The following SLC25A21 variants were observed in gnomAD, a reference collection of about 807,000 sequenced individuals.
SLC25A21 encodes mitochondrial 2-oxodicarboxylate carrier.
A neutral mutation model predicts 43.8 loss-of-function variants in SLC25A21; 47 were observed. That is an observed-to-expected ratio of 1.07 (90% CI 0.85 to 1.37). The LOEUF (loss-of-function observed/expected upper bound fraction) is 1.37, where lower values mean the gene tolerates loss of function less well. SLC25A21 is among the 40% of genes most tolerant of loss of function. The pLI, the probability that SLC25A21 is intolerant of heterozygous loss-of-function variation, is 0.00. For missense variants in SLC25A21, 352 were observed against 350.2 expected (o/e 1.00, Z -0.04); for synonymous variants, 131 against 121.3 (o/e 1.08, Z -0.52).
At chr14:37,118,640 T>C (rs1160489855) in intron 1 of SLC25A21, among the ~76,000 whole-genome samples, 1 of 152,186 alleles carries the variant, frequency 6.6e-6, no homozygotes, top group Admixed American at 6.5e-5. Flanking sequence ...TATTTAAGGA[T>C]TGAGACAACT....
chr14:36,976,543 A>AAC (rs1555339872), intron 1 of SLC25A21, among the ~76,000 whole-genome samples: 2 of 152,194 alleles, frequency 1.3e-5, no homozygotes, highest in African/African-American at 4.8e-5. Context: ...GTAGATAAAA[A>AAC]AAAACAAAAC....
At chr14:36,937,172 G>C (rs1322543698) in intron 1 of SLC25A21, among the ~76,000 whole-genome samples, 1 of 152,170 alleles carries the variant, frequency 6.6e-6, no homozygotes, top group Non-Finnish European at 1.5e-5. Flanking sequence ...TAACTAAGCC[G>C]GGCGATGCTG....
chr14:36,679,465 T>C lies in SLC25A21; in HGVS notation c.*1193A>G, dbSNP rs1251830708. Reference sequence around the variant, plus strand: ...CTTAGGACAGGTGTCATATGGACTTTCAGTTATTCTTGTTGACTTTACTGA... The same window carrying C: ...CTTAGGACAGGTGTCATATGGACTTCCAGTTATTCTTGTTGACTTTACTGA... On this transcript the variant is annotated 3_prime_UTR_variant, in exon 10 of 10. Transcript: ENST00000331299. 3.0e-5 allele frequency: 30 copies of C among 985,322 alleles called. No homozygotes were observed. The highest frequency in any genetic ancestry group is 3.5e-5 in the Non-Finnish European group (29 of 829,924). The allele number at this position is 985,322 out of a possible 1,614,324, so 61.0% of individuals were successfully genotyped here. A position where few individuals can be genotyped will look rare whatever the true frequency, so the allele number is the denominator to read the frequency against.
At chr14:36,891,775 C>T (rs931650275) in intron 1 of SLC25A21, among the ~76,000 whole-genome samples, 3 of 152,078 alleles carry the variant, frequency 2.0e-5, no homozygotes, top group South Asian at 2.1e-4. Flanking sequence ...CTTCAATACC[C>T]GATTTCCCCT....
intron 1 of SLC25A21, among the ~76,000 whole-genome samples, chr14:37,151,855 T>G (rs923726605): frequency 6.6e-6 from 1 of 152,074 alleles, no homozygotes; most frequent in Non-Finnish European, 1.5e-5. Context: ...GCCAACATAG[T>G]GAAACCCTGT....
At position 36,679,360 on chromosome 14, in the gene SLC25A21, T is replaced by C; in HGVS notation, c.*1298A>G. On this transcript the variant is annotated 3_prime_UTR_variant, in exon 10 of 10. Coordinates refer to ENST00000331299, the MANE Select transcript of SLC25A21 (RefSeq NM_030631.4). ...GCTCTAAATTAATAAAAAGTAATAA[T>C]TACCATGTTATCTTTTACTTTTTAT... is the stretch of plus-strand genomic sequence containing the variant. The C allele has an allele frequency of 1.0e-6, 1 of 974,128 alleles. No individual in the cohort carries two copies. The highest frequency in any genetic ancestry group is 1.2e-6 in the Non-Finnish European group (1 of 819,788). 60.3% of individuals were successfully genotyped at this position (974,128 alleles called of 1,614,324 possible).
intron 1 of SLC25A21, chr14:37,098,586 C>T (rs1594792036): frequency 6.6e-6 from 1 of 152,266 alleles, no homozygotes; most frequent in East Asian, 1.9e-4. Context: ...AGGATACTAT[C>T]TGCTTTAACA....
intron 3 of SLC25A21, among the ~76,000 whole-genome samples, chr14:36,734,816 T>C (rs1403121650): frequency 6.6e-6 from 1 of 152,184 alleles, no homozygotes; most frequent in African/African-American, 2.4e-5. Flanking sequence ...TGACCATTAG[T>C]TGTACCTTAA....
Position 37,172,403 on chromosome 14 carries a change from C to T in SLC25A21, c.-53G>A. 1 of 1,518,438 alleles carries T rather than the reference C, an allele frequency of 6.6e-7. No individual in the cohort carries two copies. Among genetic ancestry groups the T allele is most frequent in the Non-Finnish European group, 9.0e-7 (1 of 1,115,088 alleles). The allele number at this position is 1,518,438 out of a possible 1,614,324, so 94.1% of individuals were successfully genotyped here. On this transcript the variant is annotated 5_prime_UTR_variant, in exon 1 of 10. Coordinates refer to ENST00000331299, the MANE Select transcript of SLC25A21 (RefSeq NM_030631.4). ...GGGCTGAGATGCGTCAACGAGCTCG[C>T]AGCCTGCACAGCCTACTGATCCAGA...
At chr14:37,081,185 G>A (rs1014756448) in intron 1 of SLC25A21, among the ~76,000 whole-genome samples, 5 of 152,174 alleles carry the variant, frequency 3.3e-5, no homozygotes, top group African/African-American at 1.2e-4. Flanking sequence ...CGTGAGAAAA[G>A]CCGTAGGTTA....
At chr14:36,859,270 A>G (rs985431562) in intron 2 of SLC25A21, among the ~76,000 whole-genome samples, 25 of 152,220 alleles carry the variant, frequency 1.6e-4, no homozygotes, top group Admixed American at 3.3e-4. Flanking sequence ...CTAAGCTAAC[A>G]AAAAGAACTA....
chr14:36,699,703 G>A (rs1293292975), intron 7 of SLC25A21, among the ~76,000 whole-genome samples: 1 of 152,182 alleles, frequency 6.6e-6, no homozygotes, highest in Non-Finnish European at 1.5e-5. Context: ...ATCGATCTCA[G>A]ACTGCTGCAC....
At chr14:36,794,004 G>T (rs1218319100) in intron 3 of SLC25A21, among the ~76,000 whole-genome samples, 1 of 149,464 alleles carries the variant, frequency 6.7e-6, no homozygotes, top group Non-Finnish European at 1.5e-5. Context: ...GCTATGAAAA[G>T]AATACAGACT....
intron 1 of SLC25A21, among the ~76,000 whole-genome samples, chr14:37,170,075 C>T (rs934487484): frequency 5.3e-5 from 8 of 151,782 alleles, no homozygotes; most frequent in African/African-American, 1.9e-4. Flanking sequence ...CTCGCTCTGT[C>T]GCCAGGTTGG....
chr14:36,811,824 T>C (rs991604945), intron 3 of SLC25A21, among the ~76,000 whole-genome samples: 1 of 152,320 alleles, frequency 6.6e-6, no homozygotes, highest in Non-Finnish European at 1.5e-5. Flanking sequence ...GGATTAAAAA[T>C]TGTAATGTAA....
chr14:37,092,090 G>A (rs1962598067), intron 1 of SLC25A21, among the ~76,000 whole-genome samples: 1 of 152,082 alleles, frequency 6.6e-6, no homozygotes. Context: ...TCGTGCCATT[G>A]TACTCCAGCC....
At chr14:36,907,773 T>C (rs1891575878) in intron 1 of SLC25A21, among the ~76,000 whole-genome samples, 1 of 152,132 alleles carries the variant, frequency 6.6e-6, no homozygotes, top group Non-Finnish European at 1.5e-5. Context: ...GATCACTGTG[T>C]GAAGGGTAAG....
At chr14:36,842,857 A>G (rs1008857124) in intron 2 of SLC25A21, among the ~76,000 whole-genome samples, 3 of 152,130 alleles carry the variant, frequency 2.0e-5, no homozygotes, top group Non-Finnish European at 4.4e-5. Context: ...AGCGGTCCCA[A>G]AACTTTGTGG....
intron 7 of SLC25A21, among the ~76,000 whole-genome samples, chr14:36,690,208 T>C (rs192109334): frequency 1.2e-4 from 19 of 152,200 alleles, no homozygotes; most frequent in Non-Finnish European, 2.9e-5. Flanking sequence ...CAAAAGTAAA[T>C]AGCAACAAAA....
Sources: gnomAD v4.1 joint callset for allele counts (sites outside exome capture counted in the v4.1 genomes callset) on GRCh38, gnomAD v4.1.1 for gene constraint, MANE v1.5 for transcripts, NCBI Gene and HGNC (gene_info 2026-07-23, HGNC 2026-07-21) for gene names.